FOXP1: variants seen among roughly 807,000 people sequenced by gnomAD.
FOXP1 encodes forkhead box protein P1.
In FOXP1, 15 loss-of-function variants were observed where a neutral mutation model predicts 98.2. That is an observed-to-expected ratio of 0.15 (90% CI 0.10 to 0.24). The LOEUF is 0.24. Ranked by LOEUF, FOXP1 falls within the 10% of genes least tolerant of loss-of-function variation. The probability of loss-of-function intolerance (pLI) is 1.00; values close to 1 mark genes in which losing one functional copy is unlikely to be tolerated. For missense variants in FOXP1, 633 were observed against 848.5 expected, an observed-to-expected ratio of 0.75 and a Z score of 3.15; for synonymous variants, 371 against 314.5, an observed-to-expected ratio of 1.18 and a Z score of -1.90.
chr3:71,117,540 G>A (rs1319079459), intron 6 of FOXP1, among the ~76,000 whole-genome samples: 1 of 152,170 alleles, frequency 6.6e-6, no homozygotes, highest in Non-Finnish European at 1.5e-5. Flanking sequence ...ATATGTGTTT[G>A]TGTGTATGGG....
rs146742769 is a variant in FOXP1, at chr3:71,498,257, T to C, written c.-297-4702A>G. 3.4e-3 allele frequency among the ~76,000 whole-genome samples: 521 copies of C among 152,252 alleles called. 2 individuals are homozygous for C. Among genetic ancestry groups the C allele is most frequent in the Admixed American group, 6.0e-3 (91 of 15,280 alleles). ...GCAGAAACAAAACAACAAGTGATGT[T>C]TTCTTGTTTTGTTCTCCCCTGTTTA... is the stretch of plus-strand genomic sequence containing the variant. On this transcript the variant is annotated intron_variant, in intron 2 of 20. Coordinates refer to ENST00000649528, the MANE Select transcript of FOXP1 (RefSeq NM_001349338.3).
chr3:71,461,941 C>T (rs2088168068), intron 3 of FOXP1, among the ~76,000 whole-genome samples: 1 of 152,108 alleles, frequency 6.6e-6, no homozygotes, highest in African/African-American at 2.4e-5. Context: ...ACTGAGAGAA[C>T]TTAACCCTCC....
At chr3:71,366,953 G>C (rs2078968392) in intron 3 of FOXP1, among the ~76,000 whole-genome samples, 2 of 152,126 alleles carry the variant, frequency 1.3e-5, no homozygotes, top group African/African-American at 4.8e-5. Context: ...TAAATAAATT[G>C]CTTGATGTAA....
chr3:71,479,011 G>A (rs575203746), intron 3 of FOXP1, among the ~76,000 whole-genome samples: 1 of 152,318 alleles, frequency 6.6e-6, no homozygotes, highest in African/African-American at 2.4e-5. Context: ...CTGGCACATT[G>A]AGAATAGCAG....
At chr3:71,260,203 G>T (rs1214236555) in intron 5 of FOXP1, among the ~76,000 whole-genome samples, 3 of 152,112 alleles carry the variant, frequency 2.0e-5, no homozygotes, top group South Asian at 2.1e-4. Flanking sequence ...CAGGATGGTC[G>T]CGATCTCCTG....
At chr3:71,549,280 T>C (rs1341478122) in intron 2 of FOXP1, among the ~76,000 whole-genome samples, 1 of 152,242 alleles carries the variant, frequency 6.6e-6, no homozygotes, top group Non-Finnish European at 1.5e-5. Context: ...GTTTCTTTCA[T>C]GGCAACAGTT....
At chr3:71,178,139 T>A (rs1295960492) in intron 6 of FOXP1, among the ~76,000 whole-genome samples, 10 of 94,706 alleles carry the variant, frequency 1.1e-4, no homozygotes, top group Non-Finnish European at 2.1e-4. Flanking sequence ...CCAGTCAGTC[T>A]TTTTTTTTTT....
At chr3:71,092,729 G>A (rs1184084208) in intron 7 of FOXP1, among the ~76,000 whole-genome samples, 1 of 152,038 alleles carries the variant, frequency 6.6e-6, no homozygotes, top group African/African-American at 2.4e-5. Context: ...CAGGTCTTGG[G>A]AGTTTTTCTT....
intron 2 of FOXP1, chr3:71,572,134 G>A (rs184486772): frequency 1.3e-5 from 2 of 152,314 alleles, no homozygotes; most frequent in Non-Finnish European, 2.9e-5. Flanking sequence ...TAACTGCTAA[G>A]TTCCAAGCCA....
intron 14 of FOXP1, among the ~76,000 whole-genome samples, chr3:70,978,539 T>C (rs2038091767): frequency 6.6e-6 from 1 of 152,152 alleles, no homozygotes; most frequent in Non-Finnish European, 1.5e-5. Flanking sequence ...TTTATTAAAA[T>C]TAAACTTTAA....
In FOXP1 at chr3:70,959,149, T is replaced by C; in HGVS notation, c.*98A>G. The C allele has an allele frequency of 1.4e-6, 2 of 1,423,038 alleles. No homozygotes were observed. Among genetic ancestry groups the C allele is most frequent in the Non-Finnish European group, 2.0e-6 (2 of 1,013,224 alleles). 88.2% of individuals were successfully genotyped at this position (1,423,038 alleles called of 1,614,324 possible). A position where few individuals can be genotyped will look rare whatever the true frequency, so the allele number is the denominator to read the frequency against. On this transcript the variant is annotated 3_prime_UTR_variant, in exon 21 of 21. Coordinates refer to ENST00000649528, the MANE Select transcript of FOXP1 (RefSeq NM_001349338.3). Reference sequence around the variant, plus strand: ...AACGTAGTGAAAATCCTCCAGACTGTACAACAAATGGAGAACAATTTCACT... The same window carrying C: ...AACGTAGTGAAAATCCTCCAGACTGCACAACAAATGGAGAACAATTTCACT...
intron 6 of FOXP1, chr3:71,130,358 G>C: frequency 1.3e-6 from 1 of 756,536 alleles, no homozygotes; most frequent in Non-Finnish European, 2.2e-6. Flanking sequence ...ATGGAGAGAG[G>C]AGGGAAGGGG....
chr3:71,145,565 CA>C (rs1037072405), intron 6 of FOXP1, among the ~76,000 whole-genome samples: 1 of 151,876 alleles, frequency 6.6e-6, no homozygotes, highest in Non-Finnish European at 1.5e-5. Context: ...CAAAACAAAA[CA>C]AAAAAAACTG....
intron 3 of FOXP1, among the ~76,000 whole-genome samples, chr3:71,460,229 CTTTG>C (rs10555493): frequency 0.26 from 38,367 of 150,338 alleles, 5,407 homozygotes; most frequent in Non-Finnish European, 0.32. Flanking sequence ...GGAGTAAAGG[CTTTG>C]TTTGTTTGTT....
intron 4 of FOXP1, among the ~76,000 whole-genome samples, chr3:71,336,369 A>G (rs2076681421): frequency 6.6e-6 from 1 of 152,154 alleles, no homozygotes; most frequent in African/African-American, 2.4e-5. Context: ...TCAACCAGAC[A>G]TCTAGATTTT....
At chr3:71,276,846 A>G (rs1211863820) in intron 5 of FOXP1, among the ~76,000 whole-genome samples, 3 of 152,014 alleles carry the variant, frequency 2.0e-5, no homozygotes, top group African/African-American at 7.3e-5. Context: ...GAACAACAGA[A>G]TTTATTCCTC....
intron 3 of FOXP1, among the ~76,000 whole-genome samples, chr3:71,449,168 G>T (rs995171972): frequency 1.3e-5 from 2 of 152,108 alleles, no homozygotes; most frequent in African/African-American, 2.4e-5. Flanking sequence ...GCAAAAAATT[G>T]ATGTGTTTTA....
At chr3:71,313,935 G>T (rs1438156425) in intron 4 of FOXP1, among the ~76,000 whole-genome samples, 4 of 152,128 alleles carry the variant, frequency 2.6e-5, no homozygotes, top group African/African-American at 4.8e-5. Flanking sequence ...GAATTTACAA[G>T]CATGGATTCA....
chr3:71,193,916 G>T lies in FOXP1; in HGVS notation c.180+4286C>A, dbSNP rs117542608. ...TTACTCCCCTTCTTCTTTTTCAAGAGAAGTTCCCTATCTACCGTTCCCACC... is the reference window on the plus strand; with the variant it reads ...TTACTCCCCTTCTTCTTTTTCAAGATAAGTTCCCTATCTACCGTTCCCACC... On this transcript the variant is annotated intron_variant, in intron 6 of 20. Coordinates refer to ENST00000649528, the MANE Select transcript of FOXP1 (RefSeq NM_001349338.3). Among the ~76,000 whole-genome samples, 304 of 152,246 alleles carry T rather than the reference G, an allele frequency of 2.0e-3. 9 individuals carry two copies. The East Asian group carries it at 0.051, about 26-fold the overall frequency.
Sources: allele counts gnomAD v4.1 joint callset (sites outside exome capture counted in the v4.1 genomes callset), GRCh38; gene constraint gnomAD v4.1.1; transcripts MANE v1.5; gene names NCBI Gene and HGNC (gene_info 2026-07-23, HGNC 2026-07-21).